SMARCB1: variants seen among roughly 807,000 people sequenced by gnomAD.
SMARCB1 encodes SWI/SNF-related matrix-associated actin-dependent regulator of chromatin subfamily B member 1.
A neutral mutation model predicts 49.0 loss-of-function variants in SMARCB1; 5 were observed. That is an observed-to-expected ratio of 0.10 (90% CI 0.05 to 0.21). The LOEUF (loss-of-function observed/expected upper bound fraction) is 0.21, where lower values mean the gene tolerates loss of function less well. SMARCB1 is among the 10% of genes least tolerant of loss of function. The pLI is 1.00. For synonymous variants in SMARCB1, 201 were observed against 200.1 expected (o/e 1.00, Z -0.04); for missense variants, 226 against 509.2 (o/e 0.44, Z 5.35).
At position 23,787,109 on chromosome 22, in the gene SMARCB1, C is replaced by A; in HGVS notation, c.-61C>A. ...TTCCCTCGGCCCAGCACGCCCCGGC[C>A]CCGCCCCAGCCCTCCTGATCCCTCG... On this transcript the variant is annotated 5_prime_UTR_variant, in exon 1 of 9. Transcript: ENST00000644036. 9.2e-7 allele frequency: 1 copy of A among 1,091,170 alleles called. No individual in the cohort carries two copies. The highest frequency in any genetic ancestry group is 1.4e-6 in the Non-Finnish European group (1 of 712,906). The allele number at this position is 1,091,170 out of a possible 1,614,324, so 67.6% of individuals were successfully genotyped here.
intron 1 of SMARCB1, among the ~76,000 whole-genome samples, chr22:23,789,481 G>C (rs1040115898): frequency 6.6e-6 from 1 of 152,200 alleles, no homozygotes; most frequent in African/African-American, 2.4e-5. Flanking sequence ...TGGCCAAGTG[G>C]GAAGAACCTT....
intron 3 of SMARCB1, among the ~76,000 whole-genome samples, chr22:23,796,728 A>G (rs1278648612): frequency 6.6e-6 from 1 of 152,164 alleles, no homozygotes; most frequent in Non-Finnish European, 1.5e-5. Context: ...GTCAGCTGGG[A>G]ATCTTTTATG....
intron 1 of SMARCB1, among the ~76,000 whole-genome samples, chr22:23,791,105 G>A (rs1244406784): frequency 1.3e-5 from 2 of 152,120 alleles, no homozygotes; most frequent in Non-Finnish European, 2.9e-5. Context: ...AAAAGTCAAC[G>A]AGACAATAGG....
Position 23,837,580 on chromosome 22 carries a change from G to C in SMARCB1, c.*3400G>C, listed in dbSNP as rs554043534. ...GAGGAGAACTCCAGCAAGGATGGGAGAGGGGCCCCAGGGCATAAGCAGCGT... is the reference window on the plus strand; with the variant it reads ...GAGGAGAACTCCAGCAAGGATGGGACAGGGGCCCCAGGGCATAAGCAGCGT... On this transcript the variant is annotated 3_prime_UTR_variant, in exon 9 of 9. Transcript: ENST00000644036. 1 of 1,439,630 alleles carries C rather than the reference G, an allele frequency of 6.9e-7. No homozygotes were observed. The highest frequency in any genetic ancestry group is 2.0e-5 in the Admixed American group (1 of 49,238). 89.2% of individuals were successfully genotyped at this position (1,439,630 alleles called of 1,614,324 possible). A position where few individuals can be genotyped will look rare whatever the true frequency, so the allele number is the denominator to read the frequency against.
At chr22:23,794,820 C>T (rs1038403364) in intron 3 of SMARCB1, among the ~76,000 whole-genome samples, 10 of 152,112 alleles carry the variant, frequency 6.6e-5, no homozygotes, top group Non-Finnish European at 1.3e-4. Flanking sequence ...ATTGCTTGAA[C>T]CCGGGAGGTG....
At chr22:23,813,909 A>G (rs139269345) in intron 5 of SMARCB1, among the ~76,000 whole-genome samples, 27 of 152,212 alleles carry the variant, frequency 1.8e-4, no homozygotes, top group Non-Finnish European at 3.7e-4. Context: ...TGCTCACTGT[A>G]ACCTCCACCT....
chr22:23,811,725 C>T (rs764207347), intron 5 of SMARCB1, among the ~76,000 whole-genome samples: 1 of 152,138 alleles, frequency 6.6e-6, no homozygotes, highest in African/African-American at 2.4e-5. Context: ...AGCACCAGTG[C>T]GTACATTGGA....
chr22:23,803,321 T>C lies in SMARCB1; in HGVS notation c.527T>C (p.Ile176Thr). 1 of 1,614,176 alleles carries C rather than the reference T, an allele frequency of 6.2e-7. No individual in the cohort carries two copies. The highest frequency in any genetic ancestry group is 8.5e-7 in the Non-Finnish European group (1 of 1,180,040). The change falls in exon 5 of 9, where the codon ATC becomes ACC. Residue 176 changes from isoleucine to threonine, a missense_variant. By Grantham distance (89) the Ile-to-Thr change is moderately conservative. Coordinates refer to ENST00000644036, the MANE Select transcript of SMARCB1 (RefSeq NM_003073.5). ...TTTGATGACCATGACCCAGCTGTGATCCATGAGAACGCATCTCAGCCCGAG... is the reference window on the plus strand; with the variant it reads ...TTTGATGACCATGACCCAGCTGTGACCCATGAGAACGCATCTCAGCCCGAG... ...LCFDDHDPAV[I>T]HENASQPEVL... is the part of the protein sequence containing the mutation.
At position 23,834,675 on chromosome 22, in the gene SMARCB1, TG is replaced by T; in HGVS notation, c.*499del. The stretch of plus-strand genomic sequence containing the variant: ...TCCCAAGTGGGCAGGTGGGGGTGAA[TG>T]GGGCTCCGGGTAGCACCTCAGCTCC... On this transcript the variant is annotated 3_prime_UTR_variant, in exon 9 of 9. Coordinates refer to ENST00000644036, the MANE Select transcript of SMARCB1 (RefSeq NM_003073.5). The T allele has an allele frequency of 8.8e-7, 1 of 1,142,250 alleles. No individual in the cohort carries two copies. The highest frequency in any genetic ancestry group is 1.2e-6 in the Non-Finnish European group (1 of 816,560). The allele number at this position is 1,142,250 out of a possible 1,614,324, so 70.8% of individuals were successfully genotyped here. A position where few individuals can be genotyped will look rare whatever the true frequency, so the allele number is the denominator to read the frequency against.
intron 7 of SMARCB1, among the ~76,000 whole-genome samples, chr22:23,832,127 C>T (rs951631327): frequency 1.4e-4 from 21 of 152,248 alleles, no homozygotes; most frequent in African/African-American, 3.9e-4. Context: ...AACGGGCTCA[C>T]GGCTACTGGA....
chr22:23,821,127 C>T (rs2030063920), intron 6 of SMARCB1, among the ~76,000 whole-genome samples: 1 of 152,254 alleles, frequency 6.6e-6, no homozygotes, highest in Non-Finnish European at 1.5e-5. Context: ...CCCAGTGACC[C>T]TCTGACTTAC....
Position 23,834,633 on chromosome 22 carries a change from C to A in SMARCB1, c.*453C>A. On this transcript the variant is annotated 3_prime_UTR_variant, in exon 9 of 9. Coordinates refer to ENST00000644036, the MANE Select transcript of SMARCB1 (RefSeq NM_003073.5). ...AACAAGGTTGGCACACAGGCCTCAC[C>A]CTCCTCTGCCTCAGATTCCCAAGTG... The A allele has an allele frequency of 1.2e-6, 1 of 824,098 alleles. No homozygotes were observed. The highest frequency in any genetic ancestry group is 1.9e-6 in the Non-Finnish European group (1 of 518,792). 51.0% of individuals were successfully genotyped at this position (824,098 alleles called of 1,614,324 possible).
At chr22:23,829,045 C>T (rs894934732) in intron 7 of SMARCB1, among the ~76,000 whole-genome samples, 2 of 152,104 alleles carry the variant, frequency 1.3e-5, no homozygotes, top group Non-Finnish European at 2.9e-5. Flanking sequence ...GAAGGGCCAG[C>T]GAAAGGAGGG....
At chr22:23,803,227 G>C (rs900314678) in intron 4 of SMARCB1, 68 bp from the exon 5 acceptor site, 1 of 1,607,572 alleles carries the variant, frequency 6.2e-7, no homozygotes, top group Non-Finnish European at 8.5e-7. Context: ...TGCAGAGAGA[G>C]AGGCTGAAAA....
At chr22:23,828,342 C>T (rs944072743) in intron 7 of SMARCB1, among the ~76,000 whole-genome samples, 4 of 151,228 alleles carry the variant, frequency 2.6e-5, no homozygotes, top group Admixed American at 6.6e-5. Flanking sequence ...TGAGCCACCG[C>T]GCTCGGCCAC....
At chr22:23,812,487 G>A (rs1359785322) in intron 5 of SMARCB1, among the ~76,000 whole-genome samples, 2 of 151,914 alleles carry the variant, frequency 1.3e-5, no homozygotes, top group East Asian at 1.9e-4. Flanking sequence ...TATAAAGCTC[G>A]TATTACCTAG....
intron 3 of SMARCB1, among the ~76,000 whole-genome samples, chr22:23,799,113 G>A (rs1050694308): frequency 6.6e-6 from 1 of 151,738 alleles, no homozygotes; most frequent in African/African-American, 2.4e-5. Flanking sequence ...TATTGTGGAA[G>A]TGGTTGCGCA....
intron 5 of SMARCB1, among the ~76,000 whole-genome samples, chr22:23,806,608 T>G (rs1286674324): frequency 6.6e-6 from 1 of 152,022 alleles, no homozygotes. Context: ...ACGAATGAAG[T>G]GTATGTTCAG....
At chr22:23,793,781 CTTTTT>C (rs11413092) in intron 3 of SMARCB1, 93 bp downstream of exon 3, 10 of 776,542 alleles carry the variant, frequency 1.3e-5, no homozygotes, top group Non-Finnish European at 1.4e-5. Flanking sequence ...AATTGAAACA[CTTTTT>C]TTTTTTTTTT....
Sources: gnomAD v4.1 joint callset for allele counts (sites outside exome capture counted in the v4.1 genomes callset) on GRCh38, gnomAD v4.1.1 for gene constraint, MANE v1.5 for transcripts, NCBI Gene and HGNC (gene_info 2026-07-23, HGNC 2026-07-21) for gene names.